Variants in EFHC2 observed in about 807,000 individuals in gnomAD.
EFHC2 encodes the protein EF-hand domain-containing family member C2.
EFHC2 carries 18 observed loss-of-function variants against 52.7 expected under a neutral mutation model. That is an observed-to-expected ratio of 0.34 (90% CI 0.24 to 0.51). EFHC2 has a LOEUF of 0.51. Ranked by LOEUF, EFHC2 falls within the 20% of genes least tolerant of loss-of-function variation. The pLI is 0.97. For missense variants in EFHC2, 513 were observed against 562.5 expected (o/e 0.91, Z 0.89); for synonymous variants, 203 against 204.1 (o/e 0.99, Z 0.04).
intron 2 of EFHC2, among the ~76,000 whole-genome samples, chrX:44,293,058 A>T (rs2037804374): frequency 9.5e-6 from 1 of 105,165 alleles, no homozygotes; most frequent in African/African-American, 3.5e-5. Context: ...GCTCACTGCA[A>T]CCTCCACCTC....
chrX:44,289,780 C>T (rs767926245), intron 2 of EFHC2, among the ~76,000 whole-genome samples: 1 of 102,138 alleles, frequency 9.8e-6, no homozygotes, highest in African/African-American at 3.6e-5. Context: ...CTTCCAGGTT[C>T]AAGCGATTCT....
rs746754515 is a variant in EFHC2 at position 44,235,342 on chromosome X, G to A, written c.1386C>T (p.Asp462=). ...CTATAGGTTCAAACACTGAAATGGT[G>A]TCATCACCGAGATAATATGAAATAA... ...MFVISYYLGD[D]TISVFEPIER... The change falls in exon 9 of 15, where the codon GAC becomes GAT. Residue 462 remains aspartate, a synonymous_variant. Coordinates refer to ENST00000420999, the MANE Select transcript of EFHC2 (RefSeq NM_025184.4). 1.7e-6 allele frequency: 2 copies of A among 1,187,673 alleles called. No individual in the cohort carries two copies. The highest frequency in any genetic ancestry group is 3.0e-5 in the East Asian group (1 of 33,140).
At chrX:44,252,769 AC>A (rs1402254186) in intron 4 of EFHC2, among the ~76,000 whole-genome samples, 2 of 112,250 alleles carry the variant, frequency 1.8e-5, no homozygotes, top group Non-Finnish European at 3.8e-5. Flanking sequence ...ATTATTTAAA[AC>A]ATTTCTTAGC....
At chrX:44,208,304 C>T (rs2037064398) in intron 11 of EFHC2, among the ~76,000 whole-genome samples, 1 of 111,898 alleles carries the variant, frequency 8.9e-6, no homozygotes, top group Admixed American at 9.5e-5. Context: ...ACTCTGCAGC[C>T]ATAAATAAAA....
intron 3 of EFHC2, among the ~76,000 whole-genome samples, chrX:44,271,548 C>T (rs952297422): frequency 4.5e-5 from 5 of 111,082 alleles, no homozygotes; most frequent in Non-Finnish European, 9.4e-5. Context: ...GAACTGAGTA[C>T]CCTGAAAGGT....
chrX:44,187,382 T>C (rs1177171611), intron 11 of EFHC2, among the ~76,000 whole-genome samples: 1 of 109,938 alleles, frequency 9.1e-6, no homozygotes, highest in Non-Finnish European at 1.9e-5. Flanking sequence ...AACTAATACA[T>C]TTCCATGTTA....
chrX:44,274,845 C>T (rs1470562095), intron 2 of EFHC2, among the ~76,000 whole-genome samples: 1 of 111,010 alleles, frequency 9.0e-6, no homozygotes, highest in Non-Finnish European at 1.9e-5. Context: ...TGAGTTATGA[C>T]CTCGCCACTG....
chrX:44,196,514 T>C (rs983957994), intron 11 of EFHC2, among the ~76,000 whole-genome samples: 3 of 112,505 alleles, frequency 2.7e-5, no homozygotes, highest in Non-Finnish European at 5.6e-5. Flanking sequence ...TAAAAATACA[T>C]ACAATAGTGA....
chrX:44,246,159 T>C (rs1003558629), intron 7 of EFHC2, among the ~76,000 whole-genome samples: 2 of 112,244 alleles, frequency 1.8e-5, no homozygotes, highest in Non-Finnish European at 3.8e-5. Flanking sequence ...AGATGAACTA[T>C]AAATAAAATT....
chrX:44,335,333 C>T (rs1273810577), intron 1 of EFHC2, among the ~76,000 whole-genome samples: 1 of 110,896 alleles, frequency 9.0e-6, no homozygotes, highest in Non-Finnish European at 1.9e-5. Context: ...AGCTAGAGCT[C>T]TCTGAAAGTA....
intron 1 of EFHC2, among the ~76,000 whole-genome samples, chrX:44,330,532 C>T (rs748283797): frequency 4.5e-5 from 5 of 110,601 alleles, no homozygotes; most frequent in Admixed American, 2.9e-4. Context: ...AGGCTGGGCA[C>T]GGTGGCTCAT....
chrX:44,263,895 GA>G (rs2037558697), intron 3 of EFHC2, among the ~76,000 whole-genome samples: 2 of 111,766 alleles, frequency 1.8e-5, no homozygotes, highest in Admixed American at 1.9e-4. Context: ...ATAAGACTTT[GA>G]ATAGGAGTCC....
intron 8 of EFHC2, among the ~76,000 whole-genome samples, chrX:44,239,322 A>G (rs1602170323): frequency 8.9e-6 from 1 of 111,953 alleles, no homozygotes; most frequent in Admixed American, 9.5e-5. Flanking sequence ...GGATGAGTGA[A>G]CATTTATTCT....
chrX:44,218,410 G>A, intron 11 of EFHC2, among the ~76,000 whole-genome samples: 1 of 110,934 alleles, frequency 9.0e-6, no homozygotes, highest in Non-Finnish European at 1.9e-5. Flanking sequence ...ATAAGAATTT[G>A]AAAATTATGA....
At chrX:44,246,412 A>G (rs1354944197) in intron 7 of EFHC2, among the ~76,000 whole-genome samples, 1 of 112,587 alleles carries the variant, frequency 8.9e-6, no homozygotes, top group Non-Finnish European at 1.9e-5. Context: ...AGAAATATAA[A>G]AAGTCAGTGT....
At chrX:44,242,035 G>A (rs1298986446) in intron 8 of EFHC2, 86 bp downstream of exon 8, 1 of 927,693 alleles carries the variant, frequency 1.1e-6, no homozygotes, top group African/African-American at 2.0e-5. Flanking sequence ...TGAGCTGCGT[G>A]ACATCTGTTT....
At chrX:44,270,001 T>A (rs1036543085) in intron 3 of EFHC2, among the ~76,000 whole-genome samples, 6 of 111,522 alleles carry the variant, frequency 5.4e-5, no homozygotes, top group Non-Finnish European at 9.4e-5. Context: ...CTTCCCCAAT[T>A]TTCTATTCCT....
chrX:44,155,272 T>G lies in EFHC2; in HGVS notation c.2149-6376A>C, dbSNP rs763639080. Among the ~76,000 whole-genome samples, 6 of 111,650 alleles carry G rather than the reference T, an allele frequency of 5.4e-5. No individual in the cohort carries two copies. In the East Asian group the frequency reaches 1.7e-3, roughly 32 times the overall value. On this transcript the variant is annotated intron_variant, in intron 14 of 14. Coordinates refer to ENST00000420999, the MANE Select transcript of EFHC2 (RefSeq NM_025184.4). ...GATGTCAAACCAGTTGGCAATAAATTACTCGTTCATCAGTGGTGAAAAAAT... is the reference window on the plus strand; with the variant it reads ...GATGTCAAACCAGTTGGCAATAAATGACTCGTTCATCAGTGGTGAAAAAAT...
rs757461566 is a variant in EFHC2 at position 44,232,595 on chromosome X, A to G, written c.1506T>C (p.Tyr502=). 2.5e-6 allele frequency: 3 copies of G among 1,196,185 alleles called. No homozygotes were observed. The Admixed American group carries it at 6.8e-5, about 27-fold the overall frequency. The change falls in exon 10 of 15, where the codon TAT becomes TAC. Residue 502 remains tyrosine (Y), a synonymous_variant. Transcript: ENST00000420999. ...QEVFKSELSE[Y]IKAEELYIGV... ...CAATGTACAGCTCCTCGGCCTTGAT[A>G]TATTCAGATAGTTCACTTTTAAAGA...
Sources: allele counts gnomAD v4.1 joint callset (sites outside exome capture counted in the v4.1 genomes callset), GRCh38; gene constraint gnomAD v4.1.1; transcripts MANE v1.5; gene names NCBI Gene and HGNC (gene_info 2026-07-23, HGNC 2026-07-21).